YAF2: variants seen among roughly 807,000 people sequenced by gnomAD.
The protein encoded by YAF2 is YY1-associated factor 2.
A neutral mutation model predicts 20.1 loss-of-function variants in YAF2; 7 were observed. That is an observed-to-expected ratio of 0.35 (90% CI 0.20 to 0.65). The LOEUF is 0.65. YAF2 is among the 30% of genes least tolerant of loss of function. The pLI is 0.69. For missense variants in YAF2, 151 were observed against 219.2 expected (o/e 0.69, Z 1.96); for synonymous variants, 74 against 76.0 (o/e 0.97, Z 0.14).
At chr12:42,198,570 A>G (rs1035156183) in intron 2 of YAF2, among the ~76,000 whole-genome samples, 6 of 152,202 alleles carry the variant, frequency 3.9e-5, no homozygotes, top group African/African-American at 1.4e-4. Context: ...TGGGCAATAC[A>G]GCGAGACCCT....
At chr12:42,181,870 T>C (rs1487527333) in intron 2 of YAF2, among the ~76,000 whole-genome samples, 2 of 152,128 alleles carry the variant, frequency 1.3e-5, no homozygotes, top group African/African-American at 4.8e-5. Flanking sequence ...AATAAGTATC[T>C]GAAAACTGTT....
At chr12:42,183,227 C>G (rs1241911742) in intron 2 of YAF2, among the ~76,000 whole-genome samples, 5 of 152,048 alleles carry the variant, frequency 3.3e-5, no homozygotes, top group Non-Finnish European at 7.3e-5. Context: ...TCCCTCTTCC[C>G]TGAGACACAA....
At chr12:42,169,630 C>CGA (rs1290036224) in intron 2 of YAF2, among the ~76,000 whole-genome samples, 7 of 152,066 alleles carry the variant, frequency 4.6e-5, no homozygotes, top group Non-Finnish European at 8.8e-5. Context: ...CCAGGCTGGT[C>CGA]TCAAACTCCT....
intron 2 of YAF2, chr12:42,172,071 T>C (rs1053383197): frequency 1.7e-4 from 26 of 152,264 alleles, no homozygotes; most frequent in African/African-American, 6.0e-4. Flanking sequence ...CAATGCTCTA[T>C]GCTCTTTCTA....
At chr12:42,193,748 C>T (rs2066676944) in intron 2 of YAF2, among the ~76,000 whole-genome samples, 1 of 152,158 alleles carries the variant, frequency 6.6e-6, no homozygotes, top group Non-Finnish European at 1.5e-5. Context: ...AAGTGATCTG[C>T]CTGCATCGGC....
chr12:42,235,279 TAAGTC>T, intron 2 of YAF2: 2 of 998,928 alleles, frequency 2.0e-6, no homozygotes, highest in Non-Finnish European at 2.4e-6. Context: ...TGTTCATTAA[TAAGTC>T]AATTATGGAG....
chr12:42,228,013 AG>A (rs1354860670), intron 2 of YAF2, among the ~76,000 whole-genome samples: 1 of 111,716 alleles, frequency 9.0e-6, no homozygotes, highest in Non-Finnish European at 1.9e-5. Context: ...CCCGTCCAGG[AG>A]GGAGGTGGGG....
rs80078451 is a variant in YAF2, at chr12:42,234,805, T to A, written c.152+2794A>T. The A allele has an allele frequency of 6.1e-3, 4,879 of 805,314 alleles. 200 individuals carry two copies. In the African/African-American group the frequency reaches 0.086, roughly 14 times the overall value. The allele number at this position is 805,314 out of a possible 1,614,324, so 49.9% of individuals were successfully genotyped here. ...GAGTTTGAGACTAGCCTAGGCAACATAGAGATCCCCCATCTCTACAAAAAA... is the reference window on the plus strand; with the variant it reads ...GAGTTTGAGACTAGCCTAGGCAACAAAGAGATCCCCCATCTCTACAAAAAA... On this transcript the variant is annotated intron_variant, in intron 2 of 3. Coordinates refer to ENST00000534854, the MANE Select transcript of YAF2 (RefSeq NM_005748.6).
At chr12:42,205,378 CT>C (rs572839071) in intron 2 of YAF2, among the ~76,000 whole-genome samples, 3,600 of 140,618 alleles carry the variant, frequency 0.026, 124 homozygotes, top group African/African-American at 0.089. Flanking sequence ...TGCTTCTTCT[CT>C]TTTTTTTTTT....
intron 2 of YAF2, among the ~76,000 whole-genome samples, chr12:42,208,986 T>C (rs1043437090): frequency 6.6e-6 from 1 of 152,028 alleles, no homozygotes; most frequent in Non-Finnish European, 1.5e-5. Flanking sequence ...TTTTTAGAAA[T>C]AGAACCTAGT....
At chr12:42,206,967 A>G (rs1467652235) in intron 2 of YAF2, among the ~76,000 whole-genome samples, 1 of 152,118 alleles carries the variant, frequency 6.6e-6, no homozygotes, top group Non-Finnish European at 1.5e-5. Context: ...CGTTTGCTTT[A>G]CCTTTTTTCT....
chr12:42,213,500 AT>A (rs1266101544), intron 2 of YAF2, among the ~76,000 whole-genome samples: 1 of 152,232 alleles, frequency 6.6e-6, no homozygotes, highest in Non-Finnish European at 1.5e-5. Context: ...GTGTAAAACT[AT>A]TTTATAAAAC....
intron 2 of YAF2, chr12:42,199,460 G>T: frequency 4.6e-6 from 1 of 217,456 alleles, no homozygotes; most frequent in South Asian, 5.8e-5. Context: ...CTGTTGGGAG[G>T]ATCACACATA....
chr12:42,227,504 T>G (rs1331203104), intron 2 of YAF2, among the ~76,000 whole-genome samples: 57 of 133,030 alleles, frequency 4.3e-4, no homozygotes, highest in African/African-American at 1.6e-3. Flanking sequence ...CCATCTGGGA[T>G]GTGAGGAGCG....
At chr12:42,227,038 AGCCGCTGCCGCGACCGACCGCAGCC>A (rs1391571305) in intron 2 of YAF2, among the ~76,000 whole-genome samples, 1 of 146,092 alleles carries the variant, frequency 6.8e-6, no homozygotes, top group East Asian at 2.0e-4. Flanking sequence ...TATGAAGCGG[AGCCGCTGCCGCGACCGACCGCAGCC>A]GCCGCCGCCC....
chr12:42,210,388 C>G (rs2067172499), intron 2 of YAF2: 1 of 1,531,920 alleles, frequency 6.5e-7, no homozygotes, highest in African/African-American at 1.4e-5. Context: ...GGTCTTTTCC[C>G]TCACAGATCC....
chr12:42,215,733 C>A (rs1377963454), intron 2 of YAF2, among the ~76,000 whole-genome samples: 1 of 151,914 alleles, frequency 6.6e-6, no homozygotes, highest in Non-Finnish European at 1.5e-5. Flanking sequence ...GACAGCCTGG[C>A]CAACATGGCG....
At chr12:42,235,012 G>A (rs933314337) in intron 2 of YAF2, 2 of 985,200 alleles carry the variant, frequency 2.0e-6, no homozygotes, top group African/African-American at 3.5e-5. Context: ...AAAAAAAGAA[G>A]ACTTCAAAGG....
chr12:42,220,313 T>C (rs184130875), intron 2 of YAF2, among the ~76,000 whole-genome samples: 1 of 151,968 alleles, frequency 6.6e-6, no homozygotes, highest in African/African-American at 2.4e-5. Flanking sequence ...TTTATAATCA[T>C]GAGAAAAAGA....
Sources: gnomAD v4.1 joint callset for allele counts (sites outside exome capture counted in the v4.1 genomes callset) on GRCh38, gnomAD v4.1.1 for gene constraint, MANE v1.5 for transcripts, NCBI Gene and HGNC (gene_info 2026-07-23, HGNC 2026-07-21) for gene names.